GRAMD2B: variants seen among roughly 807,000 people sequenced by gnomAD.
GRAMD2B encodes the protein GRAM domain containing 2B, also known as GRAM domain-containing protein 2B.
Under a neutral mutation model 59.2 loss-of-function variants are expected in GRAMD2B, and 41 were observed. The observed-to-expected ratio is 0.69, with a 90% CI of 0.54 to 0.90. The LOEUF is 0.90. Ranked by LOEUF, GRAMD2B falls within the 40% of genes least tolerant of loss-of-function variation. The probability of loss-of-function intolerance (pLI) is 0.00; values close to 1 mark genes in which losing one functional copy is unlikely to be tolerated. For missense variants in GRAMD2B, 424 were observed against 500.5 expected (o/e 0.85, Z 1.46); for synonymous variants, 161 against 182.7 (o/e 0.88, Z 0.96).
chr5:126,384,345 G>T (rs773289920), intron 1 of GRAMD2B, among the ~76,000 whole-genome samples: 25 of 152,254 alleles, frequency 1.6e-4, no homozygotes, highest in Middle Eastern at 3.4e-3. Context: ...CATGTCTCTT[G>T]CTCATCCTCA....
intron 1 of GRAMD2B, among the ~76,000 whole-genome samples, chr5:126,395,745 C>T (rs1757305371): frequency 6.6e-6 from 1 of 152,012 alleles, no homozygotes; most frequent in African/African-American, 2.4e-5. Flanking sequence ...GTTTCCAGAA[C>T]AAGAGGGAGG....
chr5:126,375,578 G>A (rs952283121), intron 1 of GRAMD2B, among the ~76,000 whole-genome samples: 17 of 152,002 alleles, frequency 1.1e-4, no homozygotes, highest in African/African-American at 4.1e-4. Flanking sequence ...CACCATGTTA[G>A]CCAGGATGGT....
chr5:126,371,630 G>T, intron 1 of GRAMD2B: 1 of 1,231,556 alleles, frequency 8.1e-7, no homozygotes, highest in Non-Finnish European at 1.0e-6. Flanking sequence ...CTACCCAACT[G>T]GTGACCCTTG....
chr5:126,449,480 T>C (rs1764931500), intron 1 of GRAMD2B, among the ~76,000 whole-genome samples: 1 of 152,072 alleles, frequency 6.6e-6, no homozygotes, highest in Non-Finnish European at 1.5e-5. Context: ...GATTAACACC[T>C]TTGAAACCTC....
chr5:126,424,744 TACTGAGAATGCTTAC>T (rs1462288600), intron 1 of GRAMD2B, among the ~76,000 whole-genome samples: 1 of 152,208 alleles, frequency 6.6e-6, no homozygotes, highest in Non-Finnish European at 1.5e-5. Flanking sequence ...AGCTGGCACT[TACTGAGAATGCTTAC>T]TATGTGACAG....
intron 1 of GRAMD2B, among the ~76,000 whole-genome samples, chr5:126,451,499 T>A (rs752638009): frequency 1.3e-5 from 2 of 152,172 alleles, no homozygotes; most frequent in African/African-American, 2.4e-5. Context: ...AATGGGAATG[T>A]TTATCCAGTG....
intron 1 of GRAMD2B, among the ~76,000 whole-genome samples, chr5:126,408,885 T>G (rs1758505772): frequency 7.6e-6 from 1 of 132,340 alleles, no homozygotes; most frequent in South Asian, 2.5e-4. Context: ...TTCCCCTTCC[T>G]GTGTCCATGT....
intron 1 of GRAMD2B, among the ~76,000 whole-genome samples, chr5:126,448,244 G>T (rs189793810): frequency 2.0e-5 from 3 of 152,248 alleles, no homozygotes; most frequent in Admixed American, 1.3e-4. Context: ...CAAAGAAGAA[G>T]AGGTCAGTCC....
intron 1 of GRAMD2B, among the ~76,000 whole-genome samples, chr5:126,412,112 G>C (rs1418792623): frequency 2.0e-5 from 3 of 151,888 alleles, no homozygotes; most frequent in African/African-American, 7.3e-5. Flanking sequence ...TCTTTCTCTT[G>C]CCTGATTGCT....
chr5:126,472,149 AG>A, intron 3 of GRAMD2B, 88 bp from the exon 4 acceptor site: 1 of 967,032 alleles, frequency 1.0e-6, no homozygotes, highest in Non-Finnish European at 1.7e-6. Context: ...GATACTATTA[AG>A]GGAGGGAAAA....
In GRAMD2B at chr5:126,451,680, C is replaced by T. The variant is rs146165374; in HGVS notation, c.84-13746C>T. On this transcript the variant is annotated intron_variant, in intron 1 of 13. Transcript: ENST00000285689. Reference sequence around the variant, plus strand: ...ATGATTGTATTTTGCAATGTGAGGACGAGATGTGGGGGGCCAGCGGCAGAA... The same window carrying T: ...ATGATTGTATTTTGCAATGTGAGGATGAGATGTGGGGGGCCAGCGGCAGAA... Among the ~76,000 whole-genome samples the T allele has an allele frequency of 1.8e-4, 27 of 152,172 alleles. 2 individuals are homozygous for T. The highest frequency in any genetic ancestry group is 3.9e-4 in the Admixed American group (6 of 15,284).
At chr5:126,382,473 A>G (rs997226463) in intron 1 of GRAMD2B, among the ~76,000 whole-genome samples, 5 of 151,940 alleles carry the variant, frequency 3.3e-5, no homozygotes, top group Non-Finnish European at 7.4e-5. Context: ...TACTTGTTTG[A>G]TTCTATTGTT....
At chr5:126,458,811 T>G (rs1766818997) in intron 1 of GRAMD2B, 1 of 152,208 alleles carries the variant, frequency 6.6e-6, no homozygotes. Flanking sequence ...TCTAGTGTTT[T>G]CGGAAACTTC....
Position 126,493,275 on chromosome 5 carries a change from A to G in GRAMD2B, c.*319A>G. 3.2e-6 allele frequency: 1 copy of G among 310,130 alleles called. No individual in the cohort carries two copies. Among genetic ancestry groups the G allele is most frequent in the Non-Finnish European group, 6.1e-6 (1 of 165,064 alleles). 19.2% of individuals were successfully genotyped at this position (310,130 alleles called of 1,614,324 possible). On this transcript the variant is annotated 3_prime_UTR_variant, in exon 14 of 14. Transcript: ENST00000285689. The stretch of plus-strand genomic sequence containing the variant: ...AATTACCACGATGGCGTCAGCAAAC[A>G]CTCCACCCTGTGCCTTTTTAGTCCT...
upstream of GRAMD2B, among the ~76,000 whole-genome samples, chr5:126,367,952 C>G (rs1404533358): frequency 6.6e-6 from 1 of 152,060 alleles, no homozygotes; most frequent in Non-Finnish European, 1.5e-5. Context: ...GGGGTTTCAC[C>G]GTGTTAGCCA....
chr5:126,485,782 A>G lies in GRAMD2B; in HGVS notation c.1058+9A>G, dbSNP rs759713132. On this transcript the variant is annotated intron_variant, in intron 11 of 13. Coordinates refer to ENST00000285689, the MANE Select transcript of GRAMD2B (RefSeq NM_023927.4). ...ATATTCTATGCAATTGTGTAAGTAC[A>G]TGAATTTACTGTGAGTGACTAAGAA... is the stretch of plus-strand genomic sequence containing the variant. The G allele has an allele frequency of 1.0e-5, 16 of 1,533,902 alleles. No individual in the cohort carries two copies. In the African/African-American group the frequency reaches 2.1e-4, roughly 20 times the overall value.
At chr5:126,365,845 G>C (rs1419543819) in intron 1 of GRAMD2B, among the ~76,000 whole-genome samples, 1 of 151,916 alleles carries the variant, frequency 6.6e-6, no homozygotes, top group Admixed American at 6.6e-5. Context: ...AGCAAATATA[G>C]TTAAAAGCAC....
chr5:126,432,353 A>C (rs1363170333), intron 1 of GRAMD2B, among the ~76,000 whole-genome samples: 11 of 152,198 alleles, frequency 7.2e-5, no homozygotes, highest in Admixed American at 6.5e-4. Context: ...GTAAGTTAAA[A>C]ACCAGGAAGA....
chr5:126,435,677 A>C (rs1400520188), intron 1 of GRAMD2B, among the ~76,000 whole-genome samples: 1 of 152,212 alleles, frequency 6.6e-6, no homozygotes, highest in Non-Finnish European at 1.5e-5. Context: ...CAACCTGAAG[A>C]GTCTTTGAAG....
Sources: gnomAD v4.1 joint callset for allele counts (sites outside exome capture counted in the v4.1 genomes callset) on GRCh38, gnomAD v4.1.1 for gene constraint, MANE v1.5 for transcripts, NCBI Gene and HGNC (gene_info 2026-07-23, HGNC 2026-07-21) for gene names.